The following MON2 variants were observed in gnomAD, a reference collection of about 807,000 sequenced individuals.
MON2 encodes the protein MON2 regulator of endosome-to-Golgi trafficking.
Under a neutral mutation model 208.6 loss-of-function variants are expected in MON2, and 84 were observed. The observed-to-expected ratio is 0.40, with a 90% confidence interval of 0.34 to 0.48. The LOEUF (loss-of-function observed/expected upper bound fraction) is 0.48. Ranked by LOEUF, MON2 falls within the 20% of genes least tolerant of loss-of-function variation. The pLI is 0.59. For missense variants in MON2, 1,611 were observed against 2,015.4 expected, an observed-to-expected ratio of 0.80 and a Z score of 3.84; for synonymous variants, 660 against 694.0, an observed-to-expected ratio of 0.95 and a Z score of 0.77.
intron 6 of MON2, 32 bp downstream of exon 6, chr12:62,500,912 TA>T (rs746101248): frequency 9.2e-6 from 12 of 1,297,642 alleles, no homozygotes; most frequent in Non-Finnish European, 1.3e-5. Flanking sequence ...ATTTTTATTC[TA>T]AAATATAGTT....
intron 33 of MON2, among the ~76,000 whole-genome samples, chr12:62,586,554 T>G (rs766698167): frequency 6.6e-6 from 1 of 152,248 alleles, no homozygotes; most frequent in African/African-American, 2.4e-5. Context: ...TTTCATTTTT[T>G]AATTACCAAT....
intron 2 of MON2, 126 bp downstream of exon 2, chr12:62,484,359 C>CA: frequency 1.6e-6 from 1 of 607,646 alleles, no homozygotes; most frequent in South Asian, 2.3e-5. Context: ...ATATGCTATT[C>CA]ATAATGAAAC....
intron 28 of MON2, 78 bp downstream of exon 28, chr12:62,566,109 C>T: frequency 1.4e-6 from 2 of 1,450,502 alleles, no homozygotes; most frequent in East Asian, 2.3e-5. Context: ...TGGTAGAATG[C>T]TGTATGTGCT....
chr12:62,515,179 T>C (rs1244985227), intron 8 of MON2, among the ~76,000 whole-genome samples: 1 of 152,262 alleles, frequency 6.6e-6, no homozygotes, highest in East Asian at 1.9e-4. Context: ...AAAGAAATGC[T>C]TGTACACCCA....
At chr12:62,590,450 A>G (rs984633304) in intron 34 of MON2, among the ~76,000 whole-genome samples, 1 of 152,202 alleles carries the variant, frequency 6.6e-6, no homozygotes, top group Non-Finnish European at 1.5e-5. Context: ...AATAGGTAGT[A>G]TACATATACA....
intron 7 of MON2, among the ~76,000 whole-genome samples, chr12:62,502,089 G>C (rs541359184): frequency 3.9e-5 from 6 of 151,964 alleles, no homozygotes; most frequent in African/African-American, 1.5e-4. Context: ...GCGTGATGGC[G>C]GGTGCCTGTA....
intron 2 of MON2, among the ~76,000 whole-genome samples, chr12:62,493,241 C>G (rs1277127101): frequency 6.6e-6 from 1 of 151,642 alleles, no homozygotes; most frequent in Non-Finnish European, 1.5e-5. Context: ...CATTTTCTAA[C>G]CTCGTGCATT....
intron 34 of MON2, chr12:62,588,942 T>G (rs758606013): frequency 7.3e-7 from 1 of 1,364,732 alleles, no homozygotes; most frequent in South Asian, 1.4e-5. Context: ...TTTCATTGAA[T>G]GCAAAGCTTT....
intron 19 of MON2, among the ~76,000 whole-genome samples, chr12:62,541,863 G>A (rs76664992): frequency 0.081 from 12,402 of 152,186 alleles, 561 homozygotes; most frequent in Non-Finnish European, 0.1. Flanking sequence ...ATAAGTAAGA[G>A]GAAGAGGAGG....
intron 8 of MON2, chr12:62,508,695 A>G: frequency 2.1e-6 from 1 of 472,404 alleles, no homozygotes; most frequent in Admixed American, 3.7e-5. Flanking sequence ...AAGCAGAGTC[A>G]TTGCCTGTTG....
At chr12:62,554,105 C>A (rs2073864229) in intron 24 of MON2, among the ~76,000 whole-genome samples, 2 of 152,214 alleles carry the variant, frequency 1.3e-5, no homozygotes, top group Non-Finnish European at 2.9e-5. Context: ...GCTTAATTCT[C>A]CCATACAGTT....
intron 7 of MON2, 128 bp from the exon 8 acceptor site, chr12:62,508,150 ATATAAACT>A (rs2071200224): frequency 1.5e-6 from 1 of 671,644 alleles, no homozygotes; most frequent in South Asian, 2.0e-5. Context: ...ATAATAAAAC[ATATAAACT>A]TATAGTAAAG....
intron 25 of MON2, 139 bp from the exon 26 acceptor site, chr12:62,560,352 T>G (rs2074151069): frequency 1.2e-6 from 1 of 842,448 alleles, no homozygotes; most frequent in Admixed American, 2.5e-5. Flanking sequence ...TGTTAGTACC[T>G]TAGTACCTAG....
In MON2 at chr12:62,466,844, G is replaced by C. The variant is rs1330009331; in HGVS notation, c.-364G>C. ...TGTGGGCGACTCGGCTAATGGCGTCGGCGAGTCTTAGGGGCCTGGGGAGCT... is the reference window on the plus strand; with the variant it reads ...TGTGGGCGACTCGGCTAATGGCGTCCGCGAGTCTTAGGGGCCTGGGGAGCT... On this transcript the variant is annotated 5_prime_UTR_variant, in exon 1 of 35. Transcript: ENST00000393630. 4.9e-6 allele frequency: 2 copies of C among 409,616 alleles called. No homozygotes were observed. 25.4% of individuals were successfully genotyped at this position (409,616 alleles called of 1,614,324 possible).
intron 34 of MON2, chr12:62,588,882 C>A: frequency 1.4e-6 from 2 of 1,479,670 alleles, no homozygotes; most frequent in Non-Finnish European, 1.8e-6. Flanking sequence ...TGGAATACCA[C>A]CCTACTTTTA....
chr12:62,556,065 A>C lies in MON2; in HGVS notation c.3282A>C (p.Gly1094=), dbSNP rs1297836252. The change falls in exon 25 of 35, where the codon GGA becomes GGC. Residue 1094 remains glycine, a synonymous_variant. Coordinates refer to ENST00000393630, the MANE Select transcript of MON2 (RefSeq NM_015026.3). ...TTADKEKIES[G]GGNILIHHSR... Reference sequence around the variant, plus strand: ...CAGACAAAGAAAAGATTGAGTCTGGAGGTGGCAATATTCTCATTCATCATT... The same window carrying C: ...CAGACAAAGAAAAGATTGAGTCTGGCGGTGGCAATATTCTCATTCATCATT... 1 of 1,613,830 alleles carries C rather than the reference A, an allele frequency of 6.2e-7. No homozygotes were observed. The highest frequency in any genetic ancestry group is 1.3e-5 in the African/African-American group (1 of 74,896).
In MON2 at chr12:62,508,335, T is replaced by C; in HGVS notation, c.839T>C (p.Ile280Thr). 1 of 1,614,104 alleles carries C rather than the reference T, an allele frequency of 6.2e-7. No individual in the cohort carries two copies. The highest frequency in any genetic ancestry group is 8.5e-7 in the Non-Finnish European group (1 of 1,179,966). The change falls in exon 8 of 35, where the codon ATA (isoleucine) becomes ACA (threonine). Residue 280 changes from isoleucine to threonine, a missense_variant. Physicochemically the swap from Ile to Thr is moderately conservative, Grantham distance 89. Coordinates refer to ENST00000393630, the MANE Select transcript of MON2 (RefSeq NM_015026.3). ...LLKERVCPLV[I>T]KLFSPNIKFR... ...AAAGAAAGGGTATGTCCTCTTGTGA[T>C]AAAGCTCTTTTCTCCAAATATAAAG...
rs1395303173 is a variant in MON2 at position 62,597,387 on chromosome 12, TG to T, written c.*4639del. 1 of 152,176 alleles carries T rather than the reference TG, an allele frequency of 6.6e-6. No homozygotes were observed. The highest frequency in any genetic ancestry group is 1.5e-5 in the Non-Finnish European group (1 of 68,032). The allele number at this position is 152,176 out of a possible 1,614,324, so 9.4% of individuals were successfully genotyped here. Reference sequence around the variant, plus strand: ...ATTCCTTGTTCATAAGAAGTGGAGCTGTTAGTGGTAGAACCACTGCTCATGG... The same window carrying T: ...ATTCCTTGTTCATAAGAAGTGGAGCTTTAGTGGTAGAACCACTGCTCATGG... On this transcript the variant is annotated 3_prime_UTR_variant, in exon 35 of 35. Transcript: ENST00000393630.
chr12:62,549,221 G>A (rs1450338071), intron 22 of MON2, among the ~76,000 whole-genome samples: 16 of 151,996 alleles, frequency 1.1e-4, no homozygotes, highest in Non-Finnish European at 2.9e-5. Context: ...TTATGTAAAT[G>A]TTAAAATACT....
Sources: allele counts gnomAD v4.1 joint callset (sites outside exome capture counted in the v4.1 genomes callset), GRCh38; gene constraint gnomAD v4.1.1; transcripts MANE v1.5; gene names NCBI Gene and HGNC (gene_info 2026-07-23, HGNC 2026-07-21).